The following KIAA0825 variants were observed in gnomAD, a reference collection of about 807,000 sequenced individuals.
KIAA0825 encodes the protein KIAA0825.
In KIAA0825, 119 loss-of-function variants were observed where a neutral mutation model predicts 147.6. The observed-to-expected ratio is 0.81, with a 90% CI of 0.69 to 0.94. KIAA0825 has a LOEUF of 0.94. Among genes scored for constraint, KIAA0825 ranks in the 40% least tolerant of loss-of-function variants. KIAA0825 has a pLI of 0.00. For synonymous variants in KIAA0825, 470 were observed against 518.1 expected (o/e 0.91, Z 1.26); for missense variants, 1,381 against 1,472.7 (o/e 0.94, Z 1.02).
chr5:94,184,127 A>G (rs1392940910), intron 20 of KIAA0825, among the ~76,000 whole-genome samples: 2 of 152,196 alleles, frequency 1.3e-5, no homozygotes, highest in East Asian at 3.8e-4. Flanking sequence ...GTCTACAGAG[A>G]ACTGGAGAAC....
chr5:94,530,133 T>G (rs1005603618), intron 3 of KIAA0825, among the ~76,000 whole-genome samples: 1 of 151,862 alleles, frequency 6.6e-6, no homozygotes, highest in Admixed American at 6.6e-5. Context: ...TAGCCAGGTG[T>G]GCTGGCACAT....
intron 20 of KIAA0825, among the ~76,000 whole-genome samples, chr5:94,167,993 C>T (rs1768212700): frequency 6.7e-6 from 1 of 150,208 alleles, no homozygotes; most frequent in African/African-American, 2.4e-5. Flanking sequence ...TACTATGGTA[C>T]ACTACTTAGA....
intron 3 of KIAA0825, among the ~76,000 whole-genome samples, chr5:94,526,806 C>T (rs945454476): frequency 6.6e-6 from 1 of 151,724 alleles, no homozygotes; most frequent in Non-Finnish European, 1.5e-5. Context: ...TCATCCTGTC[C>T]CTAAAGGAAT....
At position 94,477,121 on chromosome 5, in the gene KIAA0825, G is replaced by A. The variant is rs1418587574; in HGVS notation, c.1217C>T (p.Pro406Leu). ...ETNIPSEQSL[P>L]GKEATLLDFG... ...TTTTCCTTCACTTACCTCTTTTCCT[G>A]GTAGTGATTGCTCGGAAGGAATATT... The change falls in exon 7 of 21, where the codon CCA becomes CTA. Residue 406 changes from proline (P) to leucine (L), a missense_variant. Transcript: ENST00000682413. 1.9e-6 allele frequency: 3 copies of A among 1,549,394 alleles called. No individual in the cohort carries two copies. In the East Asian group the frequency reaches 7.4e-5, roughly 38 times the overall value.
rs146292966 is a variant in KIAA0825 at position 94,345,767 on chromosome 5, A to G, written c.3710+38601T>C. ...AAACCCCTCAGACACCAAGTTAAAG[A>G]AGGAAGGGCTTTATTCAGCCGGGAG... is the stretch of plus-strand genomic sequence containing the variant. On this transcript the variant is annotated intron_variant, in intron 20 of 20. Coordinates refer to ENST00000682413, the MANE Select transcript of KIAA0825 (RefSeq NM_001145678.3). Among the ~76,000 whole-genome samples the G allele has an allele frequency of 6.0e-4, 91 of 152,194 alleles. 1 individual carries two copies. The highest frequency in any genetic ancestry group is 2.1e-3 in the African/African-American group (86 of 41,518).
chr5:94,314,528 GTGA>G (rs1368438849), intron 20 of KIAA0825, among the ~76,000 whole-genome samples: 1 of 151,550 alleles, frequency 6.6e-6, no homozygotes, highest in African/African-American at 2.4e-5. Flanking sequence ...AAAATTTAAG[GTGA>G]TAAACAGAAT....
chr5:94,476,397 T>C (rs974930760), intron 7 of KIAA0825, among the ~76,000 whole-genome samples: 1 of 151,782 alleles, frequency 6.6e-6, no homozygotes, highest in African/African-American at 2.4e-5. Context: ...TATGGAAGAG[T>C]AGCTCCTGGG....
intron 2 of KIAA0825, among the ~76,000 whole-genome samples, chr5:94,557,194 G>A (rs913394824): frequency 3.9e-5 from 6 of 152,004 alleles, no homozygotes; most frequent in African/African-American, 1.5e-4. Context: ...GTTCACTGCA[G>A]CCTTGACCTC....
At chr5:94,189,811 G>C (rs1322393701) in intron 20 of KIAA0825, among the ~76,000 whole-genome samples, 2 of 151,998 alleles carry the variant, frequency 1.3e-5, no homozygotes, top group Non-Finnish European at 2.9e-5. Context: ...AAATAATCTT[G>C]TTTGAATTTT....
chr5:94,472,605 G>T (rs1429414227), intron 8 of KIAA0825, among the ~76,000 whole-genome samples: 1 of 152,116 alleles, frequency 6.6e-6, no homozygotes, highest in Non-Finnish European at 1.5e-5. Flanking sequence ...TTAGCCGGGC[G>T]AGGTAGCGGG....
intron 13 of KIAA0825, among the ~76,000 whole-genome samples, chr5:94,452,519 T>C (rs1758544750): frequency 6.6e-6 from 1 of 152,198 alleles, no homozygotes; most frequent in Non-Finnish European, 1.5e-5. Flanking sequence ...TTAAATGATT[T>C]TTCTTGTTTT....
At chr5:94,330,114 A>G (rs1781118093) in intron 20 of KIAA0825, among the ~76,000 whole-genome samples, 1 of 152,130 alleles carries the variant, frequency 6.6e-6, no homozygotes, top group Non-Finnish European at 1.5e-5. Context: ...TATGTAACAA[A>G]ATTTCTCCTA....
intron 20 of KIAA0825, among the ~76,000 whole-genome samples, chr5:94,382,832 G>T (rs1450379007): frequency 1.3e-5 from 2 of 152,176 alleles, no homozygotes; most frequent in Admixed American, 1.3e-4. Flanking sequence ...AAAAGGAAAT[G>T]TAGTAAGTTT....
chr5:94,336,939 A>G (rs1201964057), intron 20 of KIAA0825, among the ~76,000 whole-genome samples: 1 of 152,202 alleles, frequency 6.6e-6, no homozygotes, highest in African/African-American at 2.4e-5. Context: ...ATCATATGCT[A>G]GGCCATTAAA....
At chr5:94,543,822 C>G (rs975302990) in intron 2 of KIAA0825, among the ~76,000 whole-genome samples, 5 of 152,182 alleles carry the variant, frequency 3.3e-5, no homozygotes. Context: ...TGACCCCGGT[C>G]ATCCTCACTG....
intron 1 of KIAA0825, among the ~76,000 whole-genome samples, chr5:94,605,342 A>G (rs1366976705): frequency 6.6e-6 from 1 of 152,228 alleles, no homozygotes; most frequent in Non-Finnish European, 1.5e-5. Flanking sequence ...ATGTACAAAC[A>G]AGAGCTGGTA....
rs1258535292 is a variant in KIAA0825, at chr5:94,594,172, T to C, written c.-152-11589A>G. ...AAAGGTAATTTTAATATCAAATTCT[T>C]AGCTAGACTGGATTCTCAACTTGAA... On this transcript the variant is annotated intron_variant, in intron 1 of 20. Coordinates refer to ENST00000682413, the MANE Select transcript of KIAA0825 (RefSeq NM_001145678.3). 7.1e-6 allele frequency: 4 copies of C among 566,784 alleles called. No homozygotes were observed. In the African/African-American group the frequency reaches 7.6e-5, roughly 11 times the overall value. The allele number at this position is 566,784 out of a possible 1,614,324, so 35.1% of individuals were successfully genotyped here. A position where few individuals can be genotyped will look rare whatever the true frequency, so the allele number is the denominator to read the frequency against.
At chr5:94,558,027 T>C (rs1776884034) in intron 2 of KIAA0825, among the ~76,000 whole-genome samples, 1 of 152,208 alleles carries the variant, frequency 6.6e-6, no homozygotes, top group Admixed American at 6.5e-5. Flanking sequence ...AAGTTTGCCG[T>C]TGTTCCTGCA....
intron 15 of KIAA0825, among the ~76,000 whole-genome samples, chr5:94,404,516 C>A (rs1025502174): frequency 6.6e-6 from 1 of 151,928 alleles, no homozygotes; most frequent in Non-Finnish European, 1.5e-5. Context: ...TAGAATCTTA[C>A]CAAGAGTTTC....
Sources: gnomAD v4.1 joint callset for allele counts (sites outside exome capture counted in the v4.1 genomes callset) on GRCh38, gnomAD v4.1.1 for gene constraint, MANE v1.5 for transcripts, NCBI Gene and HGNC (gene_info 2026-07-23, HGNC 2026-07-21) for gene names.